SRSF11: variants seen among roughly 807,000 people sequenced by gnomAD.
SRSF11 encodes serine/arginine-rich splicing factor 11.
A neutral mutation model predicts 56.0 loss-of-function variants in SRSF11; 9 were observed. The ratio of observed to expected loss-of-function variants is 0.16; its 90% confidence interval spans 0.10 to 0.28. The LOEUF is 0.28. Ranked by LOEUF, SRSF11 falls within the 10% of genes least tolerant of loss-of-function variation. SRSF11 has a pLI of 1.00. For missense variants in SRSF11, 421 were observed against 600.7 expected (o/e 0.70, Z 3.13); for synonymous variants, 222 against 215.3 (o/e 1.03, Z -0.27).
At chr1:70,216,196 T>C (rs1669983304) in intron 1 of SRSF11, among the ~76,000 whole-genome samples, 1 of 152,236 alleles carries the variant, frequency 6.6e-6, no homozygotes, top group African/African-American at 2.4e-5. Context: ...AGGATTAGTA[T>C]TGTTTTACGG....
intron 7 of SRSF11, among the ~76,000 whole-genome samples, chr1:70,244,392 T>C (rs1489669775): frequency 1.3e-5 from 2 of 152,180 alleles, no homozygotes; most frequent in Non-Finnish European, 2.9e-5. Flanking sequence ...TCCTTCATGA[T>C]CTAGTAGTAT....
At chr1:70,207,700 C>G (rs533696092) in intron 1 of SRSF11, among the ~76,000 whole-genome samples, 19 of 151,680 alleles carry the variant, frequency 1.3e-4, no homozygotes, top group African/African-American at 4.6e-4. Flanking sequence ...CACCCCTCCC[C>G]CTACAATAGA....
chr1:70,210,690 G>C (rs1263581558), intron 1 of SRSF11, among the ~76,000 whole-genome samples: 2 of 152,124 alleles, frequency 1.3e-5, no homozygotes. Context: ...ACTCCAGCCT[G>C]GACAACAGAG....
Position 70,239,491 on chromosome 1 carries a change from G to A in SRSF11, c.771G>A (p.Arg257=). 1 of 1,609,186 alleles carries A rather than the reference G, an allele frequency of 6.2e-7. No homozygotes were observed. The highest frequency in any genetic ancestry group is 8.5e-7 in the Non-Finnish European group (1 of 1,178,258). ...CAAGATCAAGATCACGTTCTAGGAG[G>A]AGGAGGACTCCCTCATCTTCTAGAC... ...RHSRSRSRSR[R]RRTPSSSRHR... The change falls in exon 7 of 12, where the codon AGG becomes AGA. Residue 257 remains arginine, a synonymous_variant. Coordinates refer to ENST00000370949, the MANE Select transcript of SRSF11 (RefSeq NM_001350605.2).
chr1:70,234,017 A>G (rs1018455596), intron 3 of SRSF11, among the ~76,000 whole-genome samples: 3 of 152,228 alleles, frequency 2.0e-5, no homozygotes, highest in Non-Finnish European at 4.4e-5. Context: ...ATCTATGCTG[A>G]AACTTAGATT....
In SRSF11 at chr1:70,250,655, G is replaced by C; in HGVS notation, c.1305G>C (p.Glu435Asp). The C allele has an allele frequency of 6.2e-7, 1 of 1,613,862 alleles. No homozygotes were observed. The highest frequency in any genetic ancestry group is 8.5e-7 in the Non-Finnish European group (1 of 1,179,928). Residue 435 changes from glutamate (E) to aspartate (D), a missense_variant, in exon 12 of 12, where the codon GAG becomes GAC. Glu to Asp is a conservative substitution (Grantham distance 45). This residue lies in a region of SRSF11 where 253 missense variants were observed against 305.8 expected (regional missense o/e 0.83). Transcript: ENST00000370949. ...YDEEEQGYDS[E>D]KEKKEEKKPI... ...AAGAGGAACAGGGGTATGACAGTGA[G>C]AAAGAGAAAAAAGAAGAGAAGAAAC...
intron 1 of SRSF11, among the ~76,000 whole-genome samples, chr1:70,226,524 T>C (rs1671821821): frequency 6.6e-6 from 1 of 152,132 alleles, no homozygotes; most frequent in African/African-American, 2.4e-5. Context: ...ATTAAAAATA[T>C]CATATTTGGG....
intron 2 of SRSF11, chr1:70,229,015 T>C (rs766390566): frequency 3.4e-5 from 33 of 984,408 alleles, no homozygotes; most frequent in Non-Finnish European, 4.0e-5. Context: ...AAAAAACACA[T>C]TGAATTTCAG....
intron 2 of SRSF11, chr1:70,229,592 T>G (rs1672478922): frequency 1.0e-6 from 1 of 984,030 alleles, no homozygotes; most frequent in South Asian, 4.7e-5. Flanking sequence ...TTTAAGTTAA[T>G]AATTTAATAT....
In SRSF11 at chr1:70,250,380, G is replaced by C. The variant is rs1477149713; in HGVS notation, c.1134G>C (p.Lys378Asn). Residue 378 changes from lysine to asparagine, a missense_variant, in exon 11 of 12, where the codon AAG becomes AAC. By Grantham distance (94) the Lys-to-Asn change is moderately conservative. Transcript: ENST00000370949. The part of the protein sequence containing the change: ...SPSPRRHKKE[K>N]KKDKDKERSR... ...GTCATTCTAGACATAAAAAGGAGAA[G>C]AAGAAAGATAAAGACAAAGAAAGAA... is the stretch of plus-strand genomic sequence containing the variant. The C allele has an allele frequency of 6.2e-7, 1 of 1,609,128 alleles. No individual in the cohort carries two copies. The highest frequency in any genetic ancestry group is 1.7e-5 in the Admixed American group (1 of 59,710).
chr1:70,235,827 C>G (rs1341275593), intron 5 of SRSF11, among the ~76,000 whole-genome samples: 1 of 152,150 alleles, frequency 6.6e-6, no homozygotes, highest in Non-Finnish European at 1.5e-5. Context: ...GTTTGAAGAT[C>G]AGAGGCTGAG....
At chr1:70,219,986 AAAAAC>A (rs1412199153), upstream of SRSF11, among the ~76,000 whole-genome samples, 1 of 152,230 alleles carries the variant, frequency 6.6e-6, no homozygotes, top group African/African-American at 2.4e-5. Flanking sequence ...TTTTACCTCT[AAAAAC>A]ATTCAAGGTC....
chr1:70,215,688 G>A (rs935021803), intron 1 of SRSF11, among the ~76,000 whole-genome samples: 2 of 152,170 alleles, frequency 1.3e-5, no homozygotes, highest in African/African-American at 2.4e-5. Flanking sequence ...TGTCTTTTCC[G>A]TTAGTGTGAA....
At chr1:70,244,854 A>G (rs2100967769) in intron 8 of SRSF11, 39 bp downstream of exon 8, 2 of 1,602,608 alleles carry the variant, frequency 1.2e-6, no homozygotes, top group Non-Finnish European at 1.7e-6. Context: ...TAGGGTTCCC[A>G]GTACCCCTAG....
chr1:70,232,497 T>C (rs1673027223), intron 3 of SRSF11, 120 bp downstream of exon 3: 1 of 706,382 alleles, frequency 1.4e-6, no homozygotes, highest in African/African-American at 1.8e-5. Context: ...TTATCACATG[T>C]CTATATCAAA....
chr1:70,228,411 T>G lies in SRSF11; in HGVS notation c.204-11T>G, dbSNP rs1467533946. 6.3e-7 allele frequency: 1 copy of G among 1,599,708 alleles called. No individual in the cohort carries two copies. Among genetic ancestry groups the G allele is most frequent in the Admixed American group, 1.7e-5 (1 of 58,760 alleles). ...TCTGTTTCTCTTTTATGTTATTTGT[T>G]TATTTTTTAGTGATTCGCCTTTGCC... is the stretch of plus-strand genomic sequence containing the variant. On this transcript the variant is annotated splice_polypyrimidine_tract_variant and intron_variant, in intron 1 of 11. Coordinates refer to ENST00000370949, the MANE Select transcript of SRSF11 (RefSeq NM_001350605.2).
chr1:70,227,795 T>C (rs1672123102), intron 1 of SRSF11, among the ~76,000 whole-genome samples: 1 of 152,184 alleles, frequency 6.6e-6, no homozygotes, highest in African/African-American at 2.4e-5. Context: ...CTTTGCAGGG[T>C]GGCACTAGTG....
intron 1 of SRSF11, among the ~76,000 whole-genome samples, chr1:70,206,847 A>G (rs1669079525): frequency 1.3e-5 from 2 of 150,852 alleles, no homozygotes; most frequent in South Asian, 2.1e-4. Context: ...AAAGTTACCA[A>G]TAGTTGTTAC....
At chr1:70,231,609 C>T (rs535196427) in intron 2 of SRSF11, 5 of 1,136,368 alleles carry the variant, frequency 4.4e-6, no homozygotes, top group Non-Finnish European at 4.4e-6. Flanking sequence ...CTCTTTCTCT[C>T]TCACTCCCAT....
Sources: gnomAD v4.1 joint callset for allele counts (sites outside exome capture counted in the v4.1 genomes callset) on GRCh38, gnomAD v4.1.1 for gene constraint, gnomAD v4.1.1 regional missense constraint, MANE v1.5 for transcripts, NCBI Gene and HGNC (gene_info 2026-07-23, HGNC 2026-07-21) for gene names.